Variants in GPHN observed in about 807,000 individuals in gnomAD.
The protein encoded by GPHN is gephyrin.
GPHN carries 17 observed loss-of-function variants against 95.5 expected under a neutral mutation model. The ratio of observed to expected loss-of-function variants is 0.18; its 90% CI spans 0.12 to 0.27. The LOEUF (loss-of-function observed/expected upper bound fraction) is 0.27. GPHN is among the 10% of genes least tolerant of loss of function. The pLI is 1.00. For synonymous variants in GPHN, 320 were observed against 322.5 expected (o/e 0.99, Z 0.08); for missense variants, 660 against 978.1 (o/e 0.67, Z 4.34).
At chr14:67,331,025 TAA>T in the GPHN span, among the ~76,000 whole-genome samples, 1 of 152,038 alleles carries the variant, frequency 6.6e-6, no homozygotes, top group Non-Finnish European at 1.5e-5. Context: ...TTATTCTACT[TAA>T]GTTTTTTTCT....
chr14:67,034,778 T>G (rs1042635142), intron 10 of GPHN, among the ~76,000 whole-genome samples: 2 of 151,906 alleles, frequency 1.3e-5, no homozygotes, highest in Non-Finnish European at 2.9e-5. Flanking sequence ...CACCCAAATA[T>G]AAGAAGTAAA....
At chr14:67,678,620 G>A in the GPHN span, among the ~76,000 whole-genome samples, 2 of 152,040 alleles carry the variant, frequency 1.3e-5, no homozygotes, top group African/African-American at 4.8e-5. Flanking sequence ...AGATCTCCTC[G>A]CTAGACCACC....
the GPHN span, among the ~76,000 whole-genome samples, chr14:67,498,669 T>G: frequency 6.6e-6 from 1 of 152,176 alleles, no homozygotes; most frequent in South Asian, 2.1e-4. Context: ...TTTGTTGTTG[T>G]TGGTTTTCCT....
chr14:66,954,053 G>T (rs1423578323), intron 8 of GPHN, among the ~76,000 whole-genome samples: 4 of 149,768 alleles, frequency 2.7e-5, no homozygotes, highest in Admixed American at 2.7e-4. Flanking sequence ...AAAAAAAAAA[G>T]GAAGAAAGCA....
At chr14:67,607,222 C>T in the GPHN span, among the ~76,000 whole-genome samples, 1 of 152,094 alleles carries the variant, frequency 6.6e-6, no homozygotes, top group Non-Finnish European at 1.5e-5. Flanking sequence ...TAAGATATAA[C>T]TCTTAATACT....
intron 4 of GPHN, among the ~76,000 whole-genome samples, chr14:66,843,957 A>G (rs2062205010): frequency 6.6e-6 from 1 of 151,932 alleles, no homozygotes; most frequent in Non-Finnish European, 1.5e-5. Flanking sequence ...TTAATTTATT[A>G]TTCCTAAATT....
At chr14:67,244,937 AAG>A in the GPHN span, among the ~76,000 whole-genome samples, 1 of 152,158 alleles carries the variant, frequency 6.6e-6, no homozygotes, top group African/African-American at 2.4e-5. Context: ...TAAAAAAGGA[AAG>A]AGAGAGGCAG....
chr14:67,428,670 T>A, the GPHN span, among the ~76,000 whole-genome samples: 1 of 152,258 alleles, frequency 6.6e-6, no homozygotes, highest in Admixed American at 6.5e-5. Flanking sequence ...TGTCAGTCTG[T>A]CCTCACCAGC....
chr14:66,625,004 A>G (rs2063464751), intron 1 of GPHN, among the ~76,000 whole-genome samples: 1 of 152,140 alleles, frequency 6.6e-6, no homozygotes, highest in Non-Finnish European at 1.5e-5. Context: ...CTGTTTTTAC[A>G]ATTAGTCTGA....
the GPHN span, among the ~76,000 whole-genome samples, chr14:67,191,821 A>G: frequency 6.6e-6 from 1 of 152,208 alleles, no homozygotes; most frequent in African/African-American, 2.4e-5. Flanking sequence ...CCGATCTGTA[A>G]TCAGATTTAA....
the GPHN span, among the ~76,000 whole-genome samples, chr14:67,387,983 C>T: frequency 1.3e-5 from 2 of 152,120 alleles, no homozygotes; most frequent in Non-Finnish European, 2.9e-5. Flanking sequence ...AGCTTATGGG[C>T]CATCAGCACA....
At chr14:67,722,100 A>G in the GPHN span, among the ~76,000 whole-genome samples, 5 of 152,078 alleles carry the variant, frequency 3.3e-5, no homozygotes, top group Admixed American at 6.5e-5. Flanking sequence ...AGTTCCAGTC[A>G]TCTCCCTCCC....
chr14:66,985,140 A>G (rs916877124), intron 9 of GPHN, among the ~76,000 whole-genome samples: 16 of 152,220 alleles, frequency 1.1e-4, no homozygotes, highest in Admixed American at 7.2e-4. Flanking sequence ...GGGCAGCACA[A>G]TTGTTTAATT....
intron 4 of GPHN, among the ~76,000 whole-genome samples, chr14:66,839,737 C>T (rs1334330059): frequency 1.3e-5 from 2 of 152,062 alleles, no homozygotes; most frequent in African/African-American, 4.8e-5. Context: ...TCATATCATG[C>T]TAATTTCTGA....
At chr14:66,612,089 T>G (rs1231364170) in intron 1 of GPHN, among the ~76,000 whole-genome samples, 1 of 152,078 alleles carries the variant, frequency 6.6e-6, no homozygotes, top group East Asian at 1.9e-4. Context: ...ATATGTGTAT[T>G]TATCATTTTC....
the GPHN span, among the ~76,000 whole-genome samples, chr14:67,412,711 G>T: frequency 6.6e-6 from 1 of 152,136 alleles, no homozygotes; most frequent in Non-Finnish European, 1.5e-5. Flanking sequence ...GGGCACCAAG[G>T]AGTCCAGTAA....
chr14:67,041,873 G>T (rs10146304), intron 10 of GPHN, among the ~76,000 whole-genome samples: 36,443 of 151,992 alleles, frequency 0.24, 8,719 homozygotes, highest in African/African-American at 0.58. Flanking sequence ...AACCTCTCCA[G>T]CATCTGTTGT....
intron 9 of GPHN, among the ~76,000 whole-genome samples, chr14:66,971,432 G>A (rs1301184986): frequency 1.3e-5 from 2 of 152,122 alleles, no homozygotes; most frequent in East Asian, 1.9e-4. Flanking sequence ...GAAAATAATG[G>A]CATTGTTTTA....
chr14:67,732,126 C>CAAA, the GPHN span, among the ~76,000 whole-genome samples: 5 of 77,526 alleles, frequency 6.4e-5, no homozygotes, highest in East Asian at 4.0e-4. Context: ...GACTCTGTCT[C>CAAA]AAAAAAAAAA....
Sources: gnomAD v4.1 joint callset for allele counts (sites outside exome capture counted in the v4.1 genomes callset) on GRCh38, gnomAD v4.1.1 for gene constraint, MANE v1.5 for transcripts, NCBI Gene and HGNC (gene_info 2026-07-23, HGNC 2026-07-21) for gene names.